MYH14: variants seen among roughly 807,000 people sequenced by gnomAD.
MYH14 encodes the protein myosin heavy chain 14, also known as myosin-14.
A neutral mutation model predicts 255.5 loss-of-function variants in MYH14; 123 were observed. That is an observed-to-expected ratio of 0.48 (90% CI 0.42 to 0.56). The LOEUF (loss-of-function observed/expected upper bound fraction) is 0.56, where lower values mean the gene tolerates loss of function less well. MYH14 is among the 20% of genes least tolerant of loss of function. The pLI is 0.00. For missense variants in MYH14, 2,423 were observed against 2,802.3 expected (o/e 0.86, Z 3.06); for synonymous variants, 1,095 against 1,161.2 (o/e 0.94, Z 1.16).
chr19:50,215,262 TGGGGGCCG>T (rs2032414815), intron 2 of MYH14, among the ~76,000 whole-genome samples: 1 of 151,384 alleles, frequency 6.6e-6, no homozygotes. Context: ...CAGCCAGGAG[TGGGGGCCG>T]GGGCGCCGGC....
rs574151840 is a variant in MYH14, at chr19:50,272,505, C to T, written c.3296-55C>T. 9.8e-6 allele frequency: 15 copies of T among 1,536,630 alleles called. No individual in the cohort carries two copies. The East Asian group carries it at 2.0e-4, about 20-fold the overall frequency. On this transcript the variant is annotated intron_variant, in intron 26 of 42. Coordinates refer to ENST00000642316, the MANE Select transcript of MYH14 (RefSeq NM_001145809.2). ...TGGGGACCTGTGGTCTCTGTGAGAGCGGCTGAGTGTGCAGGCCTGGAGTCC... is the reference window on the plus strand; with the variant it reads ...TGGGGACCTGTGGTCTCTGTGAGAGTGGCTGAGTGTGCAGGCCTGGAGTCC...
chr19:50,270,521 C>CAAAAA (rs200748159), intron 24 of MYH14, among the ~76,000 whole-genome samples: 1 of 52,876 alleles, frequency 1.9e-5, no homozygotes, highest in African/African-American at 7.0e-5. Flanking sequence ...AACTCCGTCT[C>CAAAAA]AAAAAAAAAA....
intron 12 of MYH14, among the ~76,000 whole-genome samples, chr19:50,248,059 C>CAAAA (rs10588130): frequency 9.4e-6 from 1 of 106,834 alleles, no homozygotes; most frequent in African/African-American, 3.6e-5. Context: ...GACTCTGTCT[C>CAAAA]AAAAAAAAAA....
Position 50,259,181 on chromosome 19 carries a change from T to A in MYH14, c.2270T>A (p.Leu757His). ...KLEPRLVLDQ[L>H]RCNGVLEGIR... ...GAGCCACGGCTGGTGCTGGACCAGCTTCGCTGCAACGGGGTCCTGGAGGGC... is the reference window on the plus strand; with the variant it reads ...GAGCCACGGCTGGTGCTGGACCAGCATCGCTGCAACGGGGTCCTGGAGGGC... The change falls in exon 19 of 43, where the codon CTT (leucine) becomes CAT (histidine). Residue 757 changes from leucine to histidine, a missense_variant. Leu to His is a moderately conservative substitution (Grantham distance 99). This residue lies in a region of MYH14 where 672 missense variants were observed against 881.8 expected (regional missense o/e 0.76). Transcript: ENST00000642316. The A allele has an allele frequency of 6.4e-7, 1 of 1,567,774 alleles. No homozygotes were observed. Among genetic ancestry groups the A allele is most frequent in the East Asian group, 2.4e-5 (1 of 42,252 alleles).
At chr19:50,290,418 G>A (rs75668857) in intron 35 of MYH14, among the ~76,000 whole-genome samples, 3 of 152,318 alleles carry the variant, frequency 2.0e-5, no homozygotes, top group East Asian at 3.9e-4. Context: ...GGGCAGCTCT[G>A]GGTGTCAGAA....
chr19:50,267,126 C>A, intron 23 of MYH14, 118 bp downstream of exon 23: 3 of 1,025,386 alleles, frequency 2.9e-6, no homozygotes, highest in East Asian at 2.6e-5. Flanking sequence ...CCAGGCAGGG[C>A]TGTCGGGAGG....
In MYH14 at chr19:50,250,794, G is replaced by T. The variant is rs959258872; in HGVS notation, c.1830+106G>T. On this transcript the variant is annotated intron_variant, in intron 15 of 42. Coordinates refer to ENST00000642316, the MANE Select transcript of MYH14 (RefSeq NM_001145809.2). This position sits in a 1 kb window ranked among gnomAD's most constrained non-coding sequence, Gnocchi z 5.4. ...AGAGGGAAAACAGGGTCCTCCTGAG[G>T]TCCAGACAAACAGAGCAGGGGCTAG... is the stretch of plus-strand genomic sequence containing the variant. 2 of 1,230,904 alleles carry T rather than the reference G, an allele frequency of 1.6e-6. No homozygotes were observed. Among genetic ancestry groups the T allele is most frequent in the Non-Finnish European group, 2.3e-6 (2 of 883,062 alleles). 76.2% of individuals were successfully genotyped at this position (1,230,904 alleles called of 1,614,324 possible).
chr19:50,309,242 C>T (rs556263602), intron 42 of MYH14, 65 bp downstream of exon 42: 25 of 1,509,660 alleles, frequency 1.7e-5, no homozygotes, highest in East Asian at 4.5e-5. Context: ...ACCCCAGGGA[C>T]GCGAGGCCGT....
rs1413384999 is a variant in MYH14, at chr19:50,252,214, C to T, written c.1831-425C>T. Among the ~76,000 whole-genome samples the T allele has an allele frequency of 6.6e-6, 1 of 152,090 alleles. No homozygotes were observed. The highest frequency in any genetic ancestry group is 2.4e-5 in the African/African-American group (1 of 41,414). ...CACATATGCAGAGAATTGTAGCGGC[C>T]AAGATCGTGACTCTATGGAGCCCCA... is the stretch of plus-strand genomic sequence containing the variant. On this transcript the variant is annotated intron_variant, in intron 15 of 42. Coordinates refer to ENST00000642316, the MANE Select transcript of MYH14 (RefSeq NM_001145809.2). The surrounding 1 kb of genome is among the most constrained non-coding windows in gnomAD (Gnocchi z 4.2).
intron 8 of MYH14, among the ~76,000 whole-genome samples, chr19:50,228,865 C>T (rs1014025214): frequency 3.3e-5 from 5 of 152,156 alleles, no homozygotes; most frequent in East Asian, 1.9e-4. Flanking sequence ...AATCAGGTCC[C>T]GCCCCCAGGC....
chr19:50,309,243 G>A (rs1002834710), intron 42 of MYH14, 66 bp downstream of exon 42: 13 of 1,490,916 alleles, frequency 8.7e-6, no homozygotes, highest in African/African-American at 6.9e-5. Context: ...CCCCAGGGAC[G>A]CGAGGCCGTG....
chr19:50,242,400 G>A (rs1302739578), intron 10 of MYH14, among the ~76,000 whole-genome samples: 1 of 152,190 alleles, frequency 6.6e-6, no homozygotes, highest in African/African-American at 2.4e-5. Context: ...AATCATGGCA[G>A]AAGGCAAAAG....
chr19:50,247,351 G>T (rs1298076593), intron 12 of MYH14, among the ~76,000 whole-genome samples: 1 of 151,962 alleles, frequency 6.6e-6, no homozygotes, highest in Non-Finnish European at 1.5e-5. Context: ...AAGTTCAACA[G>T]GATGTGTCTG....
chr19:50,218,279 C>A (rs1469178290), intron 3 of MYH14, among the ~76,000 whole-genome samples: 2 of 152,022 alleles, frequency 1.3e-5, no homozygotes, highest in African/African-American at 4.8e-5. Context: ...CATGCCTGGC[C>A]TCTTTTTAAA....
At chr19:50,283,118 C>A (rs2035779716) in intron 33 of MYH14, among the ~76,000 whole-genome samples, 1 of 139,328 alleles carries the variant, frequency 7.2e-6, no homozygotes, top group African/African-American at 2.9e-5. Flanking sequence ...TTATTTTACT[C>A]AAAATAATTT....
At chr19:50,254,716 A>G (rs1235139010) in intron 16 of MYH14, among the ~76,000 whole-genome samples, 4 of 152,222 alleles carry the variant, frequency 2.6e-5, no homozygotes, top group Non-Finnish European at 4.4e-5. Flanking sequence ...GGGTGTCAAT[A>G]CAGGGGAAAG....
chr19:50,302,200 C>T (rs1161803105), intron 40 of MYH14, among the ~76,000 whole-genome samples: 1 of 148,036 alleles, frequency 6.8e-6, no homozygotes, highest in Non-Finnish European at 1.5e-5. Context: ...AAGAAGATAG[C>T]TTAAGCCCAG....
In MYH14 at chr19:50,307,054, G is replaced by T; in HGVS notation, c.5684G>T (p.Arg1895Leu). 3 of 1,547,992 alleles carry T rather than the reference G, an allele frequency of 1.9e-6. No individual in the cohort carries two copies. Among genetic ancestry groups the T allele is most frequent in the African/African-American group, 1.4e-5 (1 of 73,114 alleles). The change falls in exon 41 of 43, where the codon CGC becomes CTC. Residue 1895 changes from arginine (R) to leucine (L), a missense_variant. By Grantham distance (102) the Arg-to-Leu change is moderately radical. This residue lies in a region of MYH14 where 1,513 missense variants were observed against 1,674.8 expected (regional missense o/e 0.90). Transcript: ENST00000642316. The part of the protein sequence containing the change: ...EEQLEQETRE[R>L]ILSGKLVRRA... ...CTCCTCATCCCTCTCTTCAGAGAGCGCATCCTCTCTGGAAAGCTGGTGCGC... is the reference window on the plus strand; with the variant it reads ...CTCCTCATCCCTCTCTTCAGAGAGCTCATCCTCTCTGGAAAGCTGGTGCGC...
At position 50,296,002 on chromosome 19, in the gene MYH14, C is replaced by G. The variant is rs181182215; in HGVS notation, c.5469+2315C>G. On this transcript the variant is annotated intron_variant, in intron 39 of 42. Coordinates refer to ENST00000642316, the MANE Select transcript of MYH14 (RefSeq NM_001145809.2). ...GGCGGGCACCTGTAGTCCAGCTACT[C>G]GGGAGGCTGGGGCAGAGAATTGCTT... is the stretch of plus-strand genomic sequence containing the variant. Among the ~76,000 whole-genome samples the G allele has an allele frequency of 2.5e-4, 38 of 150,410 alleles. No homozygotes were observed. The East Asian group carries it at 7.3e-3, about 29-fold the overall frequency.
Sources: allele counts gnomAD v4.1 joint callset (sites outside exome capture counted in the v4.1 genomes callset), GRCh38; gene constraint gnomAD v4.1.1; regional missense constraint gnomAD v4.1.1; non-coding constraint Gnocchi (gnomAD v3.1); transcripts MANE v1.5; gene names NCBI Gene and HGNC (gene_info 2026-07-23, HGNC 2026-07-21).